The following SLC9A9 variants were observed in gnomAD, a reference collection of about 807,000 sequenced individuals.
The protein encoded by SLC9A9 is sodium/hydrogen exchanger 9.
SLC9A9 carries 62 observed loss-of-function variants against 77.8 expected under a neutral mutation model. That is an observed-to-expected ratio of 0.80 (90% CI 0.65 to 0.98). The LOEUF is 0.98. Among genes scored for constraint, SLC9A9 ranks in the 50% least tolerant of loss-of-function variants. The pLI is 0.00. For synonymous variants in SLC9A9, 320 were observed against 283.5 expected (o/e 1.13, Z -1.29); for missense variants, 775 against 774.9 (o/e 1.00, Z 0.00).
chr3:143,317,886 C>A (rs934877834), intron 14 of SLC9A9, among the ~76,000 whole-genome samples: 8 of 152,132 alleles, frequency 5.3e-5, no homozygotes, highest in African/African-American at 1.9e-4. Flanking sequence ...CGCCACCACG[C>A]CTGGCTAATT....
intron 1 of SLC9A9, among the ~76,000 whole-genome samples, chr3:143,840,436 C>T (rs1282159248): frequency 6.6e-6 from 1 of 152,148 alleles, no homozygotes; most frequent in Admixed American, 6.5e-5. Flanking sequence ...CATATAAATT[C>T]ACAGTCCCTT....
At chr3:143,477,810 T>G (rs2035506047) in intron 11 of SLC9A9, among the ~76,000 whole-genome samples, 1 of 152,136 alleles carries the variant, frequency 6.6e-6, no homozygotes, top group African/African-American at 2.4e-5. Flanking sequence ...CTATCCCAGG[T>G]TATCCCTATT....
At chr3:143,845,835 T>C (rs1240671178) in intron 1 of SLC9A9, among the ~76,000 whole-genome samples, 4 of 152,224 alleles carry the variant, frequency 2.6e-5, no homozygotes, top group Admixed American at 1.3e-4. Context: ...CATATCTCCA[T>C]AATTTTTATA....
chr3:143,749,362 A>C (rs2006639789), intron 4 of SLC9A9, among the ~76,000 whole-genome samples: 1 of 152,176 alleles, frequency 6.6e-6, no homozygotes. Context: ...CTGTAAAATC[A>C]AAAACACAAC....
intron 4 of SLC9A9, among the ~76,000 whole-genome samples, chr3:143,791,672 C>T (rs2008229357): frequency 6.6e-6 from 1 of 152,194 alleles, no homozygotes; most frequent in Admixed American, 6.5e-5. Context: ...CTTCTTTATC[C>T]TTCTCCACTA....
At chr3:143,454,898 T>A (rs2035063448) in intron 12 of SLC9A9, among the ~76,000 whole-genome samples, 1 of 152,228 alleles carries the variant, frequency 6.6e-6, no homozygotes, top group Admixed American at 6.5e-5. Flanking sequence ...TGATGGCGCA[T>A]CAAATCCTCC....
chr3:143,385,279 A>G (rs2293332), intron 12 of SLC9A9, among the ~76,000 whole-genome samples: 74,719 of 151,948 alleles, frequency 0.49, 18,673 homozygotes, highest in African/African-American at 0.59. Flanking sequence ...AGTCAAATTT[A>G]TTTTTATTTT....
intron 2 of SLC9A9, among the ~76,000 whole-genome samples, chr3:143,824,914 G>A (rs1255747474): frequency 2.0e-5 from 3 of 152,196 alleles, no homozygotes; most frequent in Non-Finnish European, 2.9e-5. Flanking sequence ...GGTTTAGGAT[G>A]AAAGGAGCTG....
At chr3:143,543,589 T>C (rs2036728541) in intron 9 of SLC9A9, among the ~76,000 whole-genome samples, 1 of 152,156 alleles carries the variant, frequency 6.6e-6, no homozygotes. Context: ...GCCATCTTTA[T>C]GTCCATGAGT....
intron 14 of SLC9A9, among the ~76,000 whole-genome samples, chr3:143,316,801 A>C (rs2031229807): frequency 6.6e-6 from 1 of 152,168 alleles, no homozygotes; most frequent in Admixed American, 6.5e-5. Flanking sequence ...ATTCATACTG[A>C]GCACTTAAGA....
At chr3:143,794,960 C>T (rs199868844) in intron 4 of SLC9A9, 41 bp downstream of exon 4, 9 of 1,572,478 alleles carry the variant, frequency 5.7e-6, no homozygotes, top group African/African-American at 1.3e-5. Flanking sequence ...AGATCACAGA[C>T]CCCACAGCCA....
intron 9 of SLC9A9, among the ~76,000 whole-genome samples, chr3:143,506,680 TG>T (rs2036024144): frequency 6.6e-6 from 1 of 152,072 alleles, no homozygotes. Context: ...CTGCAAAGGC[TG>T]GGGGACTCTT....
chr3:143,363,230 A>T (rs1223238757), intron 14 of SLC9A9, among the ~76,000 whole-genome samples: 1 of 152,240 alleles, frequency 6.6e-6, no homozygotes, highest in Admixed American at 6.5e-5. Flanking sequence ...GATTTTATCA[A>T]CTGGCATTAT....
rs191975212 is a variant in SLC9A9, at chr3:143,838,835, C to G, written c.176-6614G>C. On this transcript the variant is annotated intron_variant, in intron 1 of 15. Transcript: ENST00000316549. ...TAGTCTGAATAATAATTTAAGGAAACCAAATCAGTGAATAACATTTAACTG... is the reference window on the plus strand; with the variant it reads ...TAGTCTGAATAATAATTTAAGGAAAGCAAATCAGTGAATAACATTTAACTG... Among the ~76,000 whole-genome samples, 10 of 152,216 alleles carry G rather than the reference C, an allele frequency of 6.6e-5. 1 individual carries two copies. In the East Asian group the frequency reaches 1.9e-3, roughly 29 times the overall value.
chr3:143,544,173 T>C (rs1039042117), intron 9 of SLC9A9, among the ~76,000 whole-genome samples: 1 of 152,232 alleles, frequency 6.6e-6, no homozygotes, highest in Non-Finnish European at 1.5e-5. Context: ...TGTTTTCTTT[T>C]GAGAAGTGTC....
At chr3:143,384,565 A>G (rs2033377471) in intron 12 of SLC9A9, among the ~76,000 whole-genome samples, 1 of 152,190 alleles carries the variant, frequency 6.6e-6, no homozygotes, top group Non-Finnish European at 1.5e-5. Flanking sequence ...GCCTTTCACT[A>G]AAGTGGAATC....
At chr3:143,269,032 TC>T in intron 14 of SLC9A9, 52 bp from the exon 15 acceptor site, 1 of 1,325,112 alleles carries the variant, frequency 7.5e-7, no homozygotes, top group Non-Finnish European at 1.1e-6. Context: ...GATTTAGGAA[TC>T]TTACGCTGCA....
chr3:143,588,089 TG>T (rs2037576803), intron 6 of SLC9A9, among the ~76,000 whole-genome samples: 2 of 152,318 alleles, frequency 1.3e-5, no homozygotes, highest in Admixed American at 1.3e-4. Context: ...TTAGATCTGA[TG>T]GAAAATGGGA....
chr3:143,423,839 C>T (rs6440172), intron 12 of SLC9A9, among the ~76,000 whole-genome samples: 92,921 of 152,086 alleles, frequency 0.61, 28,605 homozygotes, highest in South Asian at 0.67. Flanking sequence ...GTCCAAATCA[C>T]GTGCCAACTG....
Sources: gnomAD v4.1 joint callset for allele counts (sites outside exome capture counted in the v4.1 genomes callset) on GRCh38, gnomAD v4.1.1 for gene constraint, MANE v1.5 for transcripts, NCBI Gene and HGNC (gene_info 2026-07-23, HGNC 2026-07-21) for gene names.